AAK1: variants seen among roughly 807,000 people sequenced by gnomAD.
The protein encoded by AAK1 is AP2 associated kinase 1.
Under a neutral mutation model 116.0 loss-of-function variants are expected in AAK1, and 37 were observed. That is an observed-to-expected ratio of 0.32 (90% CI 0.25 to 0.42). The LOEUF (loss-of-function observed/expected upper bound fraction) is 0.42. Among genes scored for constraint, AAK1 ranks in the 10% least tolerant of loss-of-function variants. The pLI is 1.00. For synonymous variants in AAK1, 458 were observed against 439.9 expected (o/e 1.04, Z -0.51); for missense variants, 919 against 1,170.6 (o/e 0.79, Z 3.14).
At chr2:69,566,464 G>A (rs1671875187) in intron 2 of AAK1, among the ~76,000 whole-genome samples, 1 of 152,070 alleles carries the variant, frequency 6.6e-6, no homozygotes, top group African/African-American at 2.4e-5. Flanking sequence ...GATGACTTGA[G>A]GTTTTCAACT....
chr2:69,535,600 G>A (rs980309106), intron 5 of AAK1, among the ~76,000 whole-genome samples: 2 of 152,078 alleles, frequency 1.3e-5, no homozygotes, highest in Admixed American at 1.3e-4. Flanking sequence ...TATAGTCGGG[G>A]AAGGTCTCTC....
At chr2:69,596,869 A>G (rs1170877488) in intron 2 of AAK1, among the ~76,000 whole-genome samples, 3 of 151,862 alleles carry the variant, frequency 2.0e-5, no homozygotes, top group East Asian at 1.9e-4. Flanking sequence ...CCCAGGGTGC[A>G]CTCTCTGCCT....
intron 20 of AAK1, 21 bp from the exon 21 acceptor site, chr2:69,477,011 C>T (rs1177278552): frequency 6.5e-7 from 1 of 1,547,888 alleles, no homozygotes; most frequent in Middle Eastern, 1.7e-4. Flanking sequence ...AATGCAAGTA[C>T]ACAAGCAGAA....
At chr2:69,502,560 G>A (rs1676019038) in intron 16 of AAK1, among the ~76,000 whole-genome samples, 2 of 152,170 alleles carry the variant, frequency 1.3e-5, no homozygotes, top group South Asian at 2.1e-4. Flanking sequence ...GGCAGAGGTT[G>A]CGGTGAGCCA....
intron 3 of AAK1, among the ~76,000 whole-genome samples, chr2:69,552,475 G>C (rs1671221330): frequency 6.6e-6 from 1 of 152,186 alleles, no homozygotes; most frequent in Admixed American, 6.5e-5. Flanking sequence ...CACTTTGGGA[G>C]GCTGAGGCAG....
intron 2 of AAK1, among the ~76,000 whole-genome samples, chr2:69,611,671 G>C (rs1026386481): frequency 6.6e-6 from 1 of 152,046 alleles, no homozygotes; most frequent in Non-Finnish European, 1.5e-5. Context: ...CAGAATGCAG[G>C]GTCTTGAAGA....
chr2:69,474,155 G>A lies in AAK1; in HGVS notation c.*1714C>T. On this transcript the variant is annotated 3_prime_UTR_variant, in exon 22 of 22. Coordinates refer to ENST00000409085, the MANE Select transcript of AAK1 (RefSeq NM_014911.5). Reference sequence around the variant, plus strand: ...GTCAAACCTTGCCCTCCAGAATGCAGTGTTTTATAGGCTGTTGTTGCTGTT... The same window carrying A: ...GTCAAACCTTGCCCTCCAGAATGCAATGTTTTATAGGCTGTTGTTGCTGTT... 1.0e-6 allele frequency: 1 copy of A among 985,880 alleles called. No individual in the cohort carries two copies. The highest frequency in any genetic ancestry group is 1.7e-5 in the African/African-American group (1 of 57,356). 61.1% of individuals were successfully genotyped at this position (985,880 alleles called of 1,614,324 possible). A position where few individuals can be genotyped will look rare whatever the true frequency, so the allele number is the denominator to read the frequency against.
rs7575014 is a variant in AAK1, at chr2:69,483,252, A to G, written c.2366-440T>C. 7.2e-3 allele frequency among the ~76,000 whole-genome samples: 1,095 copies of G among 151,864 alleles called. 17 individuals carry two copies. The highest frequency in any genetic ancestry group is 0.025 in the African/African-American group (1,054 of 41,544). On this transcript the variant is annotated intron_variant, in intron 17 of 21. Transcript: ENST00000409085. Reference sequence around the variant, plus strand: ...CCTTCCTCTCACCACAGACCCTGGTAACAACAGATCTGCTTTCTGTCCCTA... The same window carrying G: ...CCTTCCTCTCACCACAGACCCTGGTGACAACAGATCTGCTTTCTGTCCCTA...
rs1427236641 is a variant in AAK1 at position 69,464,822 on chromosome 2, G to C, written c.*11047C>G. 1 of 153,078 alleles carries C rather than the reference G, an allele frequency of 6.5e-6. No homozygotes were observed. Among genetic ancestry groups the C allele is most frequent in the African/African-American group, 2.4e-5 (1 of 41,450 alleles). The allele number at this position is 153,078 out of a possible 1,614,324, so 9.5% of individuals were successfully genotyped here. On this transcript the variant is annotated 3_prime_UTR_variant, in exon 22 of 22. Transcript: ENST00000409085. ...ACAGTCATGCACGAGAGCCAGCCTG[G>C]CTTGCACACAGACTGAGAATCAGAT...
intron 2 of AAK1, among the ~76,000 whole-genome samples, chr2:69,618,465 C>G (rs59520073): frequency 6.6e-6 from 1 of 152,126 alleles, no homozygotes; most frequent in Non-Finnish European, 1.5e-5. Context: ...ATCACTAGCC[C>G]TCTGATGCCA....
intron 3 of AAK1, among the ~76,000 whole-genome samples, chr2:69,545,137 TG>T (rs1670871942): frequency 6.6e-6 from 1 of 152,140 alleles, no homozygotes; most frequent in Non-Finnish European, 1.5e-5. Context: ...GGATATAAGA[TG>T]GGCATGTTTC....
At chr2:69,500,664 A>AATATATATATATATATATATATAT (rs34635707) in intron 16 of AAK1, among the ~76,000 whole-genome samples, 5 of 60,832 alleles carry the variant, frequency 8.2e-5, no homozygotes, top group Non-Finnish European at 1.6e-4. Flanking sequence ...AGTCCCTTAA[A>AATATATATATATATATATATATAT]ATATATATAT....
chr2:69,625,496 G>C (rs1674855467), intron 2 of AAK1, among the ~76,000 whole-genome samples: 1 of 152,264 alleles, frequency 6.6e-6, no homozygotes, highest in African/African-American at 2.4e-5. Flanking sequence ...CGAACCATAA[G>C]ATGTTAGAGT....
intron 1 of AAK1, 112 bp from the exon 2 acceptor site, chr2:69,643,386 T>G (rs891900059): frequency 6.8e-6 from 8 of 1,184,804 alleles, no homozygotes. Flanking sequence ...CTTCATGTAT[T>G]TTCCCGGCGA....
intron 3 of AAK1, among the ~76,000 whole-genome samples, chr2:69,551,607 T>A (rs189664055): frequency 6.6e-6 from 1 of 152,318 alleles, no homozygotes; most frequent in African/African-American, 2.4e-5. Flanking sequence ...ATGTAATCCA[T>A]CTGGGCCAGG....
intron 21 of AAK1, 98 bp from the exon 22 acceptor site, chr2:69,476,061 C>A: frequency 1.4e-6 from 2 of 1,475,868 alleles, no homozygotes; most frequent in South Asian, 1.3e-5. Flanking sequence ...AAAACCAAAA[C>A]CAAAACAAAA....
intron 8 of AAK1, among the ~76,000 whole-genome samples, chr2:69,528,706 C>A (rs529309404): frequency 6.6e-6 from 1 of 151,992 alleles, no homozygotes; most frequent in African/African-American, 2.4e-5. Context: ...TAGATCTGTG[C>A]GTTTAGGGTG....
At chr2:69,515,926 T>C (rs1010218421) in intron 12 of AAK1, among the ~76,000 whole-genome samples, 1 of 152,118 alleles carries the variant, frequency 6.6e-6, no homozygotes. Context: ...TGATTAAATA[T>C]TTATGATAGA....
chr2:69,581,800 G>C (rs950610811), intron 2 of AAK1, among the ~76,000 whole-genome samples: 1 of 152,018 alleles, frequency 6.6e-6, no homozygotes, highest in Non-Finnish European at 1.5e-5. Context: ...AACACAGCGA[G>C]ACCCAGTCTC....
Sources: allele counts gnomAD v4.1 joint callset (sites outside exome capture counted in the v4.1 genomes callset), GRCh38; gene constraint gnomAD v4.1.1; transcripts MANE v1.5; gene names NCBI Gene and HGNC (gene_info 2026-07-23, HGNC 2026-07-21).